CEP57L1: variants seen among roughly 807,000 people sequenced by gnomAD.
The protein encoded by CEP57L1 is centrosomal protein 57 like 1, also known as centrosomal protein CEP57L1.
Under a neutral mutation model 61.0 loss-of-function variants are expected in CEP57L1, and 37 were observed. The observed-to-expected ratio is 0.61, with a 90% confidence interval of 0.47 to 0.80. The LOEUF (loss-of-function observed/expected upper bound fraction) is 0.80. Ranked by LOEUF, CEP57L1 falls within the 30% of genes least tolerant of loss-of-function variation. CEP57L1 has a pLI of 0.00. For missense variants in CEP57L1, 422 were observed against 524.7 expected, an observed-to-expected ratio of 0.80 and a Z score of 1.91; for synonymous variants, 137 against 162.3, an observed-to-expected ratio of 0.84 and a Z score of 1.19.
At chr6:109,095,166 C>A (rs75772189), upstream of CEP57L1, 1 of 985,514 alleles carries the variant, frequency 1.0e-6, no homozygotes, top group Non-Finnish European at 1.2e-6. Flanking sequence ...CTGGGCCAAG[C>A]GCCCCCGGAG....
At chr6:109,118,688 C>T (rs1562515380) in intron 1 of CEP57L1, among the ~76,000 whole-genome samples, 2 of 152,178 alleles carry the variant, frequency 1.3e-5, no homozygotes, top group Admixed American at 6.5e-5. Context: ...ATGACAAACC[C>T]GTGTTTGTGT....
intron 1 of CEP57L1, 107 bp downstream of exon 1, chr6:109,095,682 C>A: frequency 1.4e-6 from 1 of 691,072 alleles, no homozygotes; most frequent in Non-Finnish European, 1.8e-6. Flanking sequence ...CTCCCTTAGT[C>A]CAAGGACTTT....
At chr6:109,150,871 T>C (rs1772540060) in intron 4 of CEP57L1, among the ~76,000 whole-genome samples, 1 of 152,038 alleles carries the variant, frequency 6.6e-6, no homozygotes, top group Non-Finnish European at 1.5e-5. Context: ...TAAAGATATT[T>C]TAAGACTAAA....
At chr6:109,123,268 C>A (rs772462185) in intron 1 of CEP57L1, among the ~76,000 whole-genome samples, 1 of 152,028 alleles carries the variant, frequency 6.6e-6, no homozygotes, top group Non-Finnish European at 1.5e-5. Context: ...AAATCCTTAT[C>A]TTTAAACAAT....
chr6:109,128,509 C>T (rs1413044706), intron 1 of CEP57L1, among the ~76,000 whole-genome samples: 1 of 152,122 alleles, frequency 6.6e-6, no homozygotes, highest in East Asian at 1.9e-4. Flanking sequence ...ATAATTTCTT[C>T]CTCCTTTTGT....
In CEP57L1 at chr6:109,109,589, G is replaced by A. The variant is rs149231984; in HGVS notation, c.-4+14014G>A. Among the ~76,000 whole-genome samples the A allele has an allele frequency of 6.5e-3, 996 of 152,110 alleles. 15 individuals carry two copies. The highest frequency in any genetic ancestry group is 0.023 in the African/African-American group (946 of 41,486). ...AAGTTCTGGGATACATATGCAGAAC[G>A]TGCAGGTTTGTTACATAGGTATACA... On this transcript the variant is annotated intron_variant, in intron 1 of 10. Transcript: ENST00000517392.
intron 1 of CEP57L1, chr6:109,105,906 A>G (rs1253310258): frequency 6.6e-6 from 1 of 152,120 alleles, no homozygotes; most frequent in African/African-American, 2.4e-5. Context: ...GCCTCCTGTC[A>G]GATCAGCAGT....
At chr6:109,151,454 C>T (rs1772607026) in intron 4 of CEP57L1, among the ~76,000 whole-genome samples, 1 of 152,044 alleles carries the variant, frequency 6.6e-6, no homozygotes, top group Admixed American at 6.6e-5. Context: ...AATGTAGGAT[C>T]CTCTTTTAGT....
At chr6:109,145,853 T>G (rs1771902637) in intron 2 of CEP57L1, among the ~76,000 whole-genome samples, 1 of 151,938 alleles carries the variant, frequency 6.6e-6, no homozygotes, top group South Asian at 2.1e-4. Context: ...TGTAGGAGGA[T>G]CTTAAAATTG....
At chr6:109,158,892 A>G in intron 7 of CEP57L1, 133 bp from the exon 8 acceptor site, 1 of 763,460 alleles carries the variant, frequency 1.3e-6, no homozygotes, top group East Asian at 2.6e-5. Flanking sequence ...TGTCTATGTC[A>G]GTGAAATTTC....
chr6:109,112,810 T>C (rs1049783671), intron 1 of CEP57L1, among the ~76,000 whole-genome samples: 1 of 152,224 alleles, frequency 6.6e-6, no homozygotes, highest in Non-Finnish European at 1.5e-5. Flanking sequence ...TTCCATGTAG[T>C]TGTGCAGTTC....
Position 109,126,529 on chromosome 6 carries a change from T to C in CEP57L1, c.-3-18690T>C, listed in dbSNP as rs190943029. On this transcript the variant is annotated intron_variant, in intron 1 of 10. Coordinates refer to ENST00000517392, the MANE Select transcript of CEP57L1 (RefSeq NM_001271852.3). ...AATAGACTATAATTATACAGTTTTA[T>C]ATTGTTCCTCATTTACTTTATGTTA... Among the ~76,000 whole-genome samples, 733 of 152,270 alleles carry C rather than the reference T, an allele frequency of 4.8e-3. 7 individuals are homozygous for C. The highest frequency in any genetic ancestry group is 0.017 in the African/African-American group (701 of 41,576).
chr6:109,156,928 C>G (rs1403395513), intron 7 of CEP57L1: 4 of 151,966 alleles, frequency 2.6e-5, no homozygotes, highest in Non-Finnish European at 5.9e-5. Flanking sequence ...CTTATTTGTG[C>G]AATGAGATTC....
intron 3 of CEP57L1, among the ~76,000 whole-genome samples, chr6:109,149,649 T>C (rs1330419630): frequency 1.3e-5 from 2 of 152,140 alleles, no homozygotes; most frequent in Non-Finnish European, 2.9e-5. Context: ...TTTCCAATTC[T>C]GTGAAGAAAG....
At position 109,145,269 on chromosome 6, in the gene CEP57L1, T is replaced by C. The variant is rs1771836412; in HGVS notation, c.48T>C (p.Pro16=). 12 of 1,604,902 alleles carry C rather than the reference T, an allele frequency of 7.5e-6. No homozygotes were observed. Among genetic ancestry groups the C allele is most frequent in the Non-Finnish European group, 1.0e-5 (12 of 1,172,950 alleles). The change falls in exon 2 of 11, where the codon CCT becomes CCC. Residue 16 remains proline, a synonymous_variant. Transcript: ENST00000517392. ...GTATAGTAGGAAGCTATCATAAACC[T>C]CCAGAAAGAGTATTTGTTCCCTCAT... is the stretch of plus-strand genomic sequence containing the variant. ...MHSIVGSYHK[P]PERVFVPSFT...
At chr6:109,141,630 AAAT>A (rs1430564230) in intron 1 of CEP57L1, among the ~76,000 whole-genome samples, 1 of 151,930 alleles carries the variant, frequency 6.6e-6, no homozygotes, top group Non-Finnish European at 1.5e-5. Flanking sequence ...TTTATATTAT[AAAT>A]AATACATTAT....
rs1440370819 is a variant in CEP57L1 at position 109,165,591 on chromosome 6, A to G, written c.*2621A>G. 6.6e-6 allele frequency among the ~76,000 whole-genome samples: 1 copy of G among 152,070 alleles called. No homozygotes were observed. The highest frequency in any genetic ancestry group is 1.9e-4 in the East Asian group (1 of 5,184). On this transcript the variant is annotated 3_prime_UTR_variant, in exon 11 of 11. Transcript: ENST00000517392. The stretch of plus-strand genomic sequence containing the variant: ...TTTCCTAGCCCAGGTTTCTAATGGG[A>G]GGGGGTAAAGAACACAGTCCTGTCA...
Position 109,160,703 on chromosome 6 carries a change from A to T in CEP57L1, c.1148A>T (p.Lys383Met). Reference sequence around the variant, plus strand: ...GGAGAACAAATCTCCAAACTGAAGAAGCATCAAGACAGTGTAAGAAGGCTT... The same window carrying T: ...GGAGAACAAATCTCCAAACTGAAGATGCATCAAGACAGTGTAAGAAGGCTT... The part of the protein sequence containing the change: ...IKGEQISKLK[K>M]HQDSVCKLQQ... The change falls in exon 10 of 11, where the codon AAG becomes ATG. Residue 383 changes from lysine (K) to methionine (M), a missense_variant. By Grantham distance (95) the Lys-to-Met change is moderately conservative. Transcript: ENST00000517392. 6.2e-7 allele frequency: 1 copy of T among 1,600,872 alleles called. No individual in the cohort carries two copies. Among genetic ancestry groups the T allele is most frequent in the Admixed American group, 1.8e-5 (1 of 56,814 alleles).
At chr6:109,155,646 C>T in intron 6 of CEP57L1, 145 bp from the exon 7 acceptor site, 1 of 587,088 alleles carries the variant, frequency 1.7e-6, no homozygotes, top group Non-Finnish European at 3.0e-6. Flanking sequence ...GTGACCTTCA[C>T]ATGTACAAAA....
Sources: gnomAD v4.1 joint callset for allele counts (sites outside exome capture counted in the v4.1 genomes callset) on GRCh38, gnomAD v4.1.1 for gene constraint, MANE v1.5 for transcripts, NCBI Gene and HGNC (gene_info 2026-07-23, HGNC 2026-07-21) for gene names.